Variants in ANKS1B observed in about 807,000 individuals in gnomAD.
The protein encoded by ANKS1B is ankyrin repeat and sterile alpha motif domain-containing protein 1B.
Under a neutral mutation model 148.3 loss-of-function variants are expected in ANKS1B, and 36 were observed. That is an observed-to-expected ratio of 0.24 (90% confidence interval 0.19 to 0.32). The LOEUF is 0.32. ANKS1B is among the 10% of genes least tolerant of loss of function. The pLI is 1.00. For synonymous variants in ANKS1B, 542 were observed against 560.8 expected, an observed-to-expected ratio of 0.97 and a Z score of 0.47; for missense variants, 1,157 against 1,542.6, an observed-to-expected ratio of 0.75 and a Z score of 4.19.
chr12:99,467,957 G>C (rs1021657257), intron 10 of ANKS1B, among the ~76,000 whole-genome samples: 12 of 151,440 alleles, frequency 7.9e-5, no homozygotes, highest in East Asian at 1.9e-4. Flanking sequence ...TCATATGGAA[G>C]CAAAAAAGAG....
At chr12:99,108,107 T>G (rs534949385) in intron 15 of ANKS1B, among the ~76,000 whole-genome samples, 249 of 152,346 alleles carry the variant, frequency 1.6e-3, no homozygotes, top group African/African-American at 5.7e-3. Flanking sequence ...GCTACATTAC[T>G]GCAAGAGCAG....
At chr12:99,244,310 A>T (rs1310311921) in intron 14 of ANKS1B, 32 bp downstream of exon 14, 1 of 1,485,180 alleles carries the variant, frequency 6.7e-7, no homozygotes, top group Non-Finnish European at 9.3e-7. Context: ...AAGCACATTT[A>T]TTCATTATAA....
At chr12:99,960,316 C>G (rs2095392319) in intron 1 of ANKS1B, among the ~76,000 whole-genome samples, 1 of 152,200 alleles carries the variant, frequency 6.6e-6, no homozygotes, top group Non-Finnish European at 1.5e-5. Flanking sequence ...TTATAAACTT[C>G]TAAGACAGAT....
At chr12:99,505,990 C>T (rs2096708062) in intron 9 of ANKS1B, among the ~76,000 whole-genome samples, 1 of 152,000 alleles carries the variant, frequency 6.6e-6, no homozygotes. Flanking sequence ...GTTACTTACC[C>T]TTGTGGTTTT....
At chr12:99,550,689 T>C (rs2097210065) in intron 9 of ANKS1B, among the ~76,000 whole-genome samples, 1 of 152,100 alleles carries the variant, frequency 6.6e-6, no homozygotes, top group Admixed American at 6.6e-5. Context: ...TCACCACAGT[T>C]ATTTATTTTG....
chr12:99,031,472 T>C (rs1298416512), intron 17 of ANKS1B, among the ~76,000 whole-genome samples: 1 of 152,206 alleles, frequency 6.6e-6, no homozygotes, highest in East Asian at 1.9e-4. Context: ...TAAGACACAC[T>C]TTCCCAGTCT....
Position 99,269,660 on chromosome 12 carries a change from G to A in ANKS1B, c.1757-22796C>T, listed in dbSNP as rs575453114. ...TGCAAGCTCCGCGTCCCGGGTTCAC[G>A]CCATTCTCCTGCCTCAGCCTCCAGA... is the stretch of plus-strand genomic sequence containing the variant. On this transcript the variant is annotated intron_variant, in intron 12 of 26. Coordinates refer to ENST00000683438, the MANE Select transcript of ANKS1B (RefSeq NM_001352186.2). Among the ~76,000 whole-genome samples, 25 of 152,268 alleles carry A rather than the reference G, an allele frequency of 1.6e-4. No individual in the cohort carries two copies. The East Asian group carries it at 4.2e-3, about 26-fold the overall frequency.
intron 4 of ANKS1B, among the ~76,000 whole-genome samples, chr12:99,800,294 A>G (rs2066777968): frequency 6.6e-6 from 1 of 152,086 alleles, no homozygotes; most frequent in South Asian, 2.1e-4. Flanking sequence ...CAAGCCAGGA[A>G]GAAAGCCCTC....
chr12:99,023,134 A>T (rs2153443258), intron 17 of ANKS1B, among the ~76,000 whole-genome samples: 1 of 152,146 alleles, frequency 6.6e-6, no homozygotes, highest in East Asian at 1.9e-4. Flanking sequence ...CAATATACCA[A>T]TGTTTGCTAT....
chr12:99,740,321 C>CAAAAACAAAAAACA lies in ANKS1B; in HGVS notation c.1128+32587_1128+32600dup, dbSNP rs113351637. 7.3e-5 allele frequency among the ~76,000 whole-genome samples: 11 copies of CAAAAACAAAAAACA among 150,280 alleles called. No individual in the cohort carries two copies. In the South Asian group the frequency reaches 1.5e-3, roughly 20 times the overall value. On this transcript the variant is annotated intron_variant, in intron 8 of 26. Coordinates refer to ENST00000683438, the MANE Select transcript of ANKS1B (RefSeq NM_001352186.2). ...GGAGACCGTGTCTCAAAAACAAAAA[C>CAAAAACAAAAAACA]AAAAACAAAAAACAAAAAACAAAAA...
At chr12:99,973,354 A>G (rs1239775956) in intron 1 of ANKS1B, among the ~76,000 whole-genome samples, 5 of 152,232 alleles carry the variant, frequency 3.3e-5, no homozygotes, top group Non-Finnish European at 7.3e-5. Flanking sequence ...CCAAGGTGGG[A>G]GGATCACTTG....
chr12:99,851,918 C>T (rs534491994), intron 1 of ANKS1B, among the ~76,000 whole-genome samples: 419 of 152,260 alleles, frequency 2.8e-3, no homozygotes, highest in Non-Finnish European at 4.4e-3. Context: ...CTGCTTCATT[C>T]GGATTGATAT....
chr12:99,638,199 A>C (rs557664703), intron 9 of ANKS1B, among the ~76,000 whole-genome samples: 1 of 152,176 alleles, frequency 6.6e-6, no homozygotes. Context: ...GCGACTTTGG[A>C]ACTGGGTAAC....
intron 9 of ANKS1B, among the ~76,000 whole-genome samples, chr12:99,618,610 C>A (rs529676463): frequency 1.3e-5 from 2 of 151,972 alleles, no homozygotes; most frequent in African/African-American, 4.8e-5. Flanking sequence ...GAGAACTTCC[C>A]ACTGTAACTC....
intron 17 of ANKS1B, among the ~76,000 whole-genome samples, chr12:98,986,778 A>ATTTTT (rs2099923681): frequency 1.3e-5 from 2 of 151,776 alleles, no homozygotes; most frequent in South Asian, 4.2e-4. Context: ...CCACACCTGG[A>ATTTTT]TTTTTATTTT....
chr12:99,772,176 A>G (rs1394532742), intron 8 of ANKS1B, among the ~76,000 whole-genome samples: 1 of 152,100 alleles, frequency 6.6e-6, no homozygotes, highest in East Asian at 1.9e-4. Flanking sequence ...TTTTGTGTTC[A>G]TATAAAAATC....
rs149165145 is a variant in ANKS1B at position 99,455,462 on chromosome 12, C to A, written c.1439-11653G>T. 1.9e-3 allele frequency among the ~76,000 whole-genome samples: 291 copies of A among 152,308 alleles called. 1 individual carries two copies. The highest frequency in any genetic ancestry group is 3.9e-3 in the Admixed American group (60 of 15,298). On this transcript the variant is annotated intron_variant, in intron 10 of 26. Coordinates refer to ENST00000683438, the MANE Select transcript of ANKS1B (RefSeq NM_001352186.2). ...CAGACCCTTTGAAGGAGTAGATTGC[C>A]ACTGCAGGCTCTGTGAGTCAGCTTG... is the stretch of plus-strand genomic sequence containing the variant.
At chr12:98,981,967 T>C (rs1183935059) in intron 17 of ANKS1B, among the ~76,000 whole-genome samples, 1 of 152,214 alleles carries the variant, frequency 6.6e-6, no homozygotes, top group Non-Finnish European at 1.5e-5. Context: ...ATTAATTAAA[T>C]GGCTACTTTA....
At chr12:99,777,740 G>A (rs1053543419) in intron 6 of ANKS1B, among the ~76,000 whole-genome samples, 7 of 151,650 alleles carry the variant, frequency 4.6e-5, no homozygotes, top group Admixed American at 3.3e-4. Flanking sequence ...GCCCACCACC[G>A]CGCCCGGCTA....
Sources: allele counts gnomAD v4.1 joint callset (sites outside exome capture counted in the v4.1 genomes callset), GRCh38; gene constraint gnomAD v4.1.1; transcripts MANE v1.5; gene names NCBI Gene and HGNC (gene_info 2026-07-23, HGNC 2026-07-21).